MYH7: variants seen among roughly 807,000 people sequenced by gnomAD.
MYH7 encodes myosin heavy chain 7.
MYH7 carries 129 observed loss-of-function variants against 225.4 expected under a neutral mutation model. The observed-to-expected ratio is 0.57, with a 90% CI of 0.50 to 0.66. The LOEUF is 0.66. Among genes scored for constraint, MYH7 ranks in the 30% least tolerant of loss-of-function variants. The pLI is 0.00. For missense variants in MYH7, 1,649 were observed against 2,517.0 expected, an observed-to-expected ratio of 0.66 and a Z score of 7.38; for synonymous variants, 971 against 1,007.6, an observed-to-expected ratio of 0.96 and a Z score of 0.69.
intron 12 of MYH7, 126 bp downstream of exon 12, chr14:23,429,649 C>T (rs1232785326): frequency 3.9e-5 from 55 of 1,398,050 alleles, no homozygotes; most frequent in Non-Finnish European, 1.3e-5. Context: ...GCGCTCCAGC[C>T]TGGGCAACAG....
At chr14:23,421,715 A>C in intron 25 of MYH7, 2 of 983,150 alleles carry the variant, frequency 2.0e-6, no homozygotes, top group Non-Finnish European at 2.4e-6. Flanking sequence ...ACTTACACTA[A>C]GAATTGGAAC....
rs1892727900 is a variant in MYH7 at position 23,427,228 on chromosome 14, T to C, written c.1956+12A>G. On this transcript the variant is annotated intron_variant, in intron 17 of 39. Transcript: ENST00000355349. ...TGGGGAGCCAAGTTGGCTGGGGCTGTGTCCCACTCACCCTGTGCAGAGCTG... is the reference window on the plus strand; with the variant it reads ...TGGGGAGCCAAGTTGGCTGGGGCTGCGTCCCACTCACCCTGTGCAGAGCTG... 1.2e-6 allele frequency: 2 copies of C among 1,613,188 alleles called. No homozygotes were observed. Among genetic ancestry groups the C allele is most frequent in the South Asian group, 2.2e-5 (2 of 91,048 alleles).
At chr14:23,417,465 G>A (rs1478736019) in intron 31 of MYH7, 38 bp downstream of exon 31, 5 of 1,612,166 alleles carry the variant, frequency 3.1e-6, no homozygotes, top group Middle Eastern at 2.2e-4. Context: ...ATGCCCCCTT[G>A]CCCTGCATGC....
rs560995739 is a variant in MYH7 at position 23,419,889 on chromosome 14, G to A, written c.3682C>T (p.Leu1228=). 5.9e-5 allele frequency: 95 copies of A among 1,613,652 alleles called. No homozygotes were observed. In the South Asian group the frequency reaches 6.3e-4, roughly 11 times the overall value. The part of the protein sequence containing the change: ...EKEKSEFKLE[L]DDVTSNMEQI... ...TCCATGTTGGAGGTGACGTCATCCA[G>A]CTCCAGCTTGAACTCGCTCTTCTCC... The change falls in exon 27 of 40, where the codon CTG becomes TTG. Residue 1228 remains leucine (L), a synonymous_variant. Coordinates refer to ENST00000355349, the MANE Select transcript of MYH7 (RefSeq NM_000257.4).
Position 23,425,096 on chromosome 14 carries a change from A to G in MYH7, c.2424-72T>C, listed in dbSNP as rs1018669707. 3.1e-6 allele frequency: 5 copies of G among 1,612,420 alleles called. No homozygotes were observed. The highest frequency in any genetic ancestry group is 4.2e-6 in the Non-Finnish European group (5 of 1,179,154). ...TACCTGAGGTCCTGAAACCTTGGGA[A>G]TATCCCATTTCCTTCATCCCTCCCA... On this transcript the variant is annotated intron_variant, in intron 21 of 39. Coordinates refer to ENST00000355349, the MANE Select transcript of MYH7 (RefSeq NM_000257.4). This position sits in a 1 kb window ranked among gnomAD's most constrained non-coding sequence, Gnocchi z 4.6.
At position 23,418,198 on chromosome 14, in the gene MYH7, C is replaced by T. The variant is rs1449904055; in HGVS notation, c.4169+12G>A. The T allele has an allele frequency of 9.9e-6, 16 of 1,613,206 alleles. No individual in the cohort carries two copies. The highest frequency in any genetic ancestry group is 4.0e-5 in the African/African-American group (3 of 74,908). ...GGGGCCTCAGCCAGAAGTCAGGCTG[C>T]TCAGAACTCACTTGGCCTCCTCGAG... On this transcript the variant is annotated intron_variant, in intron 30 of 39. Coordinates refer to ENST00000355349, the MANE Select transcript of MYH7 (RefSeq NM_000257.4).
intron 30 of MYH7, 104 bp from the exon 31 acceptor site, chr14:23,417,790 A>T: frequency 6.8e-7 from 1 of 1,467,194 alleles, no homozygotes; most frequent in Non-Finnish European, 9.3e-7. Flanking sequence ...AAACCTCAGA[A>T]GTGTAGCTGG....
chr14:23,425,252 A>G lies in MYH7; in HGVS notation c.2423+30T>C. ...CCTGAACCAGCCTGGGCCTCAGAGA[A>G]GCGGGAAACCTCCTCTTGAGATCTC... On this transcript the variant is annotated intron_variant, in intron 21 of 39. Transcript: ENST00000355349. This position sits in a 1 kb window ranked among gnomAD's most constrained non-coding sequence, Gnocchi z 4.6. 6.2e-7 allele frequency: 1 copy of G among 1,614,084 alleles called. No homozygotes were observed. Among genetic ancestry groups the G allele is most frequent in the African/African-American group, 1.3e-5 (1 of 75,012 alleles).
rs149103761 is a variant in MYH7 at position 23,419,559 on chromosome 14, G to A, written c.3777C>T (p.His1259=). The part of the protein sequence containing the change: ...CRTLEDQMNE[H]RSKAEETQRS... Reference sequence around the variant, plus strand: ...GCTGGGTCTCCTCCGCCTTGCTCCGGTGCTCATTCATCTGGTCTTCCAAGG... The same window carrying A: ...GCTGGGTCTCCTCCGCCTTGCTCCGATGCTCATTCATCTGGTCTTCCAAGG... The change falls in exon 28 of 40, where the codon CAC becomes CAT. Residue 1259 remains histidine (H), a synonymous_variant. Transcript: ENST00000355349. The A allele has an allele frequency of 7.1e-5, 114 of 1,614,010 alleles. 1 individual carries two copies. The African/African-American group carries it at 1.4e-3, about 19-fold the overall frequency.
In MYH7 at chr14:23,415,956, T is replaced by A. The variant is rs745415989; in HGVS notation, c.4953+48A>T. 6.2e-7 allele frequency: 1 copy of A among 1,613,902 alleles called. No individual in the cohort carries two copies. Among genetic ancestry groups the A allele is most frequent in the Non-Finnish European group, 8.5e-7 (1 of 1,179,898 alleles). ...GAATCTGGTGCCTGTATCAAGACAC[T>A]ACTGCTTCGCCAGGCCACGTGGAGG... is the stretch of plus-strand genomic sequence containing the variant. On this transcript the variant is annotated intron_variant, in intron 34 of 39. Transcript: ENST00000355349. The surrounding 1 kb of genome is among the most constrained non-coding windows in gnomAD (Gnocchi z 6.3).
At position 23,425,435 on chromosome 14, in the gene MYH7, T is replaced by G. The variant is rs1219620392; in HGVS notation, c.2287-17A>C. ...GAAGAACACCTGCAGGCAAGGTGTG[T>G]GTTGGCCATGACTAGGGAGGGGTAC... On this transcript the variant is annotated splice_polypyrimidine_tract_variant and intron_variant, in intron 20 of 39. Coordinates refer to ENST00000355349, the MANE Select transcript of MYH7 (RefSeq NM_000257.4). This position sits in a 1 kb window ranked among gnomAD's most constrained non-coding sequence, Gnocchi z 4.6. 6.2e-7 allele frequency: 1 copy of G among 1,613,836 alleles called. No individual in the cohort carries two copies. The highest frequency in any genetic ancestry group is 8.5e-7 in the Non-Finnish European group (1 of 1,179,946).
In MYH7 at chr14:23,425,348, G is replaced by A. The variant is rs781082864; in HGVS notation, c.2357C>T (p.Thr786Met). 7.4e-6 allele frequency: 12 copies of A among 1,614,040 alleles called. No homozygotes were observed. The highest frequency in any genetic ancestry group is 5.5e-5 in the South Asian group (5 of 91,084). ...MRDERLSRII[T>M]RIQAQSRGVL... ...ACCTCGGGACTGGGCCTGGATACGC[G>A]TGATGATGCGGCTCAGCCTCTCGTC... Residue 786 changes from threonine to methionine, a missense_variant, in exon 21 of 40, where the codon ACG becomes ATG. By Grantham distance (81) the Thr-to-Met change is moderately conservative (BLOSUM62 -1). Transcript: ENST00000355349. The surrounding 1 kb of genome is among the most constrained non-coding windows in gnomAD (Gnocchi z 4.6).
At position 23,428,663 on chromosome 14, in the gene MYH7, C is replaced by A; in HGVS notation, c.1415G>T (p.Ser472Ile). The change falls in exon 15 of 40, where the codon AGC becomes ATC. Residue 472 changes from serine (S) to isoleucine (I), a missense_variant. This residue lies in a region of MYH7 where 76 missense variants were observed against 233.8 expected (regional missense o/e 0.33). Transcript: ENST00000355349. Reference protein sequence around the residue: ...IAGFEIFDFNSFEQLCINFTN... With the variant: ...IAGFEIFDFNIFEQLCINFTN... ...GAAGTTGATGCAGAGCTGCTCAAAG[C>A]TGTTGAACTGCAGGGGGCATGAGGG... The A allele has an allele frequency of 6.2e-7, 1 of 1,614,082 alleles. No homozygotes were observed. Among genetic ancestry groups the A allele is most frequent in the South Asian group, 1.1e-5 (1 of 91,074 alleles).
rs727504384 is a variant in MYH7, at chr14:23,413,853, A to G, written c.5696T>C (p.Val1899Ala). 1.2e-6 allele frequency: 2 copies of G among 1,614,176 alleles called. No individual in the cohort carries two copies. Among genetic ancestry groups the G allele is most frequent in the Non-Finnish European group, 1.7e-6 (2 of 1,180,036 alleles). Residue 1899 changes from valine to alanine, a missense_variant, in exon 39 of 40, where the codon GTG becomes GCG. By Grantham distance (64) the Val-to-Ala change is moderately conservative. Coordinates refer to ENST00000355349, the MANE Select transcript of MYH7 (RefSeq NM_000257.4). ...ANTNLSKFRK[V>A]QHELDEAEER... Reference sequence around the variant, plus strand: ...CTCTGCCTCATCCAGCTCGTGCTGCACCTTGCGGAACTTGGACAGGTTGGT... The same window carrying G: ...CTCTGCCTCATCCAGCTCGTGCTGCGCCTTGCGGAACTTGGACAGGTTGGT...
At position 23,429,781 on chromosome 14, in the gene MYH7, T is replaced by G. The variant is rs397516090; in HGVS notation, c.1132A>C (p.Thr378Pro). Reference protein sequence around the residue: ...QREEQAEPDGTEEADKSAYLM... With the variant: ...QREEQAEPDGPEEADKSAYLM... ...AAGAATCCCTGCCTCCCACCTTCAG[T>G]GCCGTCTGGCTCCGCCTGCTCCTCC... is the stretch of plus-strand genomic sequence containing the variant. The change falls in exon 12 of 40, where the codon ACT becomes CCT. Residue 378 changes from threonine to proline, a missense_variant. Physicochemically the swap from Thr to Pro is conservative, Grantham distance 38. Coordinates refer to ENST00000355349, the MANE Select transcript of MYH7 (RefSeq NM_000257.4). The G allele has an allele frequency of 6.2e-7, 1 of 1,612,406 alleles. No individual in the cohort carries two copies. The highest frequency in any genetic ancestry group is 1.1e-5 in the South Asian group (1 of 90,984).
chr14:23,431,300 A>G (rs978668803), intron 9 of MYH7, 118 bp downstream of exon 9: 36 of 1,031,448 alleles, frequency 3.5e-5, no homozygotes, highest in Admixed American at 1.7e-5. Flanking sequence ...ACACCTACAG[A>G]CAGAGACTTA....
chr14:23,427,963 C>A, intron 15 of MYH7, 69 bp from the exon 16 acceptor site: 1 of 1,591,530 alleles, frequency 6.3e-7, no homozygotes, highest in South Asian at 1.1e-5. Flanking sequence ...GCTCTATGGT[C>A]AATATACTTG....
rs1034631672 is a variant in MYH7 at position 23,420,895 on chromosome 14, G to A, written c.3336+63C>T. The A allele has an allele frequency of 5.4e-5, 67 of 1,243,804 alleles. No homozygotes were observed. The African/African-American group carries it at 9.3e-4, about 17-fold the overall frequency. 77.0% of individuals were successfully genotyped at this position (1,243,804 alleles called of 1,614,324 possible). A position where few individuals can be genotyped will look rare whatever the true frequency, so the allele number is the denominator to read the frequency against. On this transcript the variant is annotated intron_variant, in intron 26 of 39. Coordinates refer to ENST00000355349, the MANE Select transcript of MYH7 (RefSeq NM_000257.4). ...GCTGTGAACAGGACACCCTAGAGGA[G>A]GGGGCAGGGGAAACAGAACCAGCCC... is the stretch of plus-strand genomic sequence containing the variant.
At chr14:23,419,772 A>G in intron 27 of MYH7, 73 bp downstream of exon 27, 6 of 1,613,410 alleles carry the variant, frequency 3.7e-6, no homozygotes, top group Non-Finnish European at 5.1e-6. Flanking sequence ...ACCATGAAGG[A>G]AGAGACACTA....
Sources: gnomAD v4.1 joint callset for allele counts on GRCh38, gnomAD v4.1.1 for gene constraint, gnomAD v4.1.1 regional missense constraint, Gnocchi (gnomAD v3.1) non-coding constraint, MANE v1.5 for transcripts, NCBI Gene and HGNC (gene_info 2026-07-23, HGNC 2026-07-21) for gene names.